TICRR: variants seen among roughly 807,000 people sequenced by gnomAD.
TICRR encodes the protein TOPBP1 interacting checkpoint and replication regulator, also known as treslin.
A neutral mutation model predicts 178.1 loss-of-function variants in TICRR; 132 were observed. The ratio of observed to expected loss-of-function variants is 0.74; its 90% CI spans 0.64 to 0.86. The LOEUF (loss-of-function observed/expected upper bound fraction) is 0.86. Among genes scored for constraint, TICRR ranks in the 40% least tolerant of loss-of-function variants. TICRR has a pLI of 0.00. For missense variants in TICRR, 2,587 were observed against 2,334.3 expected (o/e 1.11, Z -2.23); for synonymous variants, 991 against 900.7 (o/e 1.10, Z -1.79).
In TICRR at chr15:89,615,653, T is replaced by G. The variant is rs552646160; in HGVS notation, c.2870-752T>G. On this transcript the variant is annotated intron_variant, in intron 15 of 21. Coordinates refer to ENST00000268138, the MANE Select transcript of TICRR (RefSeq NM_152259.4). ...TGGCATCACTCCTCTTTACTAATCA[T>G]TTTAAGCTCACTTTAAATCAGTCCT... Among the ~76,000 whole-genome samples, 8 of 152,308 alleles carry G rather than the reference T, an allele frequency of 5.3e-5. No individual in the cohort carries two copies. The South Asian group carries it at 1.7e-3, about 32-fold the overall frequency.
At chr15:89,588,944 G>A (rs541230208) in intron 4 of TICRR, among the ~76,000 whole-genome samples, 75 of 152,240 alleles carry the variant, frequency 4.9e-4, no homozygotes, top group Middle Eastern at 3.4e-3. Context: ...GAAGAGGCAA[G>A]GAGGATACCA....
intron 1 of TICRR, 120 bp from the exon 2 acceptor site, chr15:89,582,566 T>C (rs953975306): frequency 2.2e-6 from 2 of 895,992 alleles, no homozygotes; most frequent in Non-Finnish European, 3.4e-6. Flanking sequence ...GCAAATACAT[T>C]GGTTGTGTAA....
chr15:89,598,508 G>A (rs1024455693), intron 7 of TICRR, among the ~76,000 whole-genome samples: 18 of 151,788 alleles, frequency 1.2e-4, no homozygotes, highest in African/African-American at 3.4e-4. Flanking sequence ...GATTAGAGGC[G>A]CCCGCCACTA....
At chr15:89,602,017 T>TAAAA (rs1463342090) in intron 12 of TICRR, 41 bp downstream of exon 12, 3 of 1,604,904 alleles carry the variant, frequency 1.9e-6, no homozygotes, top group Non-Finnish European at 2.6e-6. Context: ...TGCACTGTTA[T>TAAAA]AGTTCTGATA....
intron 15 of TICRR, among the ~76,000 whole-genome samples, chr15:89,613,806 A>G (rs527493869): frequency 9.0e-6 from 1 of 111,054 alleles, no homozygotes; most frequent in Admixed American, 1.1e-4. Context: ...CATATTTTAG[A>G]TCTTTAGGTA....
intron 20 of TICRR, 23 bp from the exon 21 acceptor site, chr15:89,625,913 C>G: frequency 6.5e-7 from 1 of 1,549,574 alleles, no homozygotes; most frequent in Non-Finnish European, 8.7e-7. Context: ...GGACGCTGCT[C>G]TTACTATGTG....
chr15:89,577,959 C>T (rs1254057254), intron 1 of TICRR, among the ~76,000 whole-genome samples: 1 of 151,854 alleles, frequency 6.6e-6, no homozygotes, highest in African/African-American at 2.4e-5. Flanking sequence ...AGGAGGAACT[C>T]AAAGGTAGGT....
intron 1 of TICRR, among the ~76,000 whole-genome samples, chr15:89,578,578 G>A (rs1259595456): frequency 1.3e-5 from 2 of 151,924 alleles, no homozygotes; most frequent in East Asian, 3.9e-4. Context: ...GTTAAATACT[G>A]GCTAGAAATA....
chr15:89,613,797 A>G (rs1476893727), intron 15 of TICRR, among the ~76,000 whole-genome samples: 2 of 116,138 alleles, frequency 1.7e-5, no homozygotes, highest in African/African-American at 7.1e-5. Flanking sequence ...CATTGGACTC[A>G]TATTTTAGAT....
Position 89,585,737 on chromosome 15 carries a change from G to T in TICRR, c.1206G>T (p.Arg402=), listed in dbSNP as rs1281560974. 3.1e-6 allele frequency: 5 copies of T among 1,613,906 alleles called. No individual in the cohort carries two copies. The highest frequency in any genetic ancestry group is 4.2e-6 in the Non-Finnish European group (5 of 1,179,980). The change falls in exon 4 of 22, where the codon CGG becomes CGT. Residue 402 remains arginine (R), a synonymous_variant. Coordinates refer to ENST00000268138, the MANE Select transcript of TICRR (RefSeq NM_152259.4). ...LVADVDPGEG[R]PPITGVISPL... is the part of the protein sequence containing the mutation. ...CTGATGTGGACCCTGGTGAAGGCCGGCCCCCCATCACTGGAGTTATTTCCC... is the reference window on the plus strand; with the variant it reads ...CTGATGTGGACCCTGGTGAAGGCCGTCCCCCCATCACTGGAGTTATTTCCC...
chr15:89,592,616 C>A (rs188314428), intron 5 of TICRR, among the ~76,000 whole-genome samples: 1 of 152,122 alleles, frequency 6.6e-6, no homozygotes, highest in African/African-American at 2.4e-5. Flanking sequence ...AAAGTAACCT[C>A]CACCCTACAA....
At chr15:89,602,617 T>C (rs1203762303) in intron 12 of TICRR, among the ~76,000 whole-genome samples, 179 bp from the exon 13 acceptor site, 1 of 152,122 alleles carries the variant, frequency 6.6e-6, no homozygotes, top group Non-Finnish European at 1.5e-5. Context: ...TCATAACTGG[T>C]TGAATTTGTT....
rs115872303 is a variant in TICRR at position 89,594,354 on chromosome 15, T to C, written c.1542-61T>C. On this transcript the variant is annotated intron_variant, in intron 5 of 21. Transcript: ENST00000268138. ...GAGGATAGTGGGTATTTTGGTGTTA[T>C]TTCTAAAGCATTTTGCAAAATTAGA... The C allele has an allele frequency of 2.5e-4, 365 of 1,457,048 alleles. 1 individual carries two copies. The African/African-American group carries it at 4.5e-3, about 18-fold the overall frequency. The allele number at this position is 1,457,048 out of a possible 1,614,324, so 90.3% of individuals were successfully genotyped here.
chr15:89,601,706 C>G (rs1567045731), intron 11 of TICRR, 31 bp from the exon 12 acceptor site: 1 of 1,613,698 alleles, frequency 6.2e-7, no homozygotes, highest in Admixed American at 1.7e-5. Flanking sequence ...AAGATGGTAA[C>G]TGTTCCGTAT....
chr15:89,594,833 T>C (rs554923792), intron 6 of TICRR, among the ~76,000 whole-genome samples: 1 of 152,356 alleles, frequency 6.6e-6, no homozygotes, highest in Admixed American at 6.5e-5. Flanking sequence ...TTTTGCTACC[T>C]TGCCTTTTTA....
chr15:89,604,233 C>T (rs1013597550), intron 13 of TICRR, among the ~76,000 whole-genome samples: 2 of 152,166 alleles, frequency 1.3e-5, no homozygotes, highest in Admixed American at 1.3e-4. Context: ...ATATTTGTAG[C>T]AGTCCTTTGG....
intron 4 of TICRR, among the ~76,000 whole-genome samples, chr15:89,588,503 C>A (rs530189007): frequency 2.8e-4 from 42 of 152,168 alleles, no homozygotes; most frequent in Non-Finnish European, 5.4e-4. Flanking sequence ...GAAGTGAGGA[C>A]AACGGAAGGA....
Position 89,627,102 on chromosome 15 carries a change from A to G in TICRR, c.*16A>G, listed in dbSNP as rs1296323516. On this transcript the variant is annotated 3_prime_UTR_variant, in exon 22 of 22. Transcript: ENST00000268138. Reference sequence around the variant, plus strand: ...GGACTTATAGCCACAAACATTACTGAGCCCAAAAGATCAAGGAGTCAGCCA... The same window carrying G: ...GGACTTATAGCCACAAACATTACTGGGCCCAAAAGATCAAGGAGTCAGCCA... 3.1e-6 allele frequency: 5 copies of G among 1,613,528 alleles called. No homozygotes were observed. Among genetic ancestry groups the G allele is most frequent in the Non-Finnish European group, 1.7e-6 (2 of 1,180,016 alleles).
At position 89,624,876 on chromosome 15, in the gene TICRR, C is replaced by CTGTGA; in HGVS notation, c.4566_4567insTGTGA (p.Arg1523CysfsTer20). The CTGTGA allele has an allele frequency of 6.2e-7, 1 of 1,614,004 alleles. No homozygotes were observed. Among genetic ancestry groups the CTGTGA allele is most frequent in the Non-Finnish European group, 8.5e-7 (1 of 1,179,890 alleles). On this transcript the variant is annotated frameshift_variant, in exon 20 of 22. Coordinates refer to ENST00000268138, the MANE Select transcript of TICRR (RefSeq NM_152259.4). LOFTEE classifies it high-confidence loss of function. ...GGCCTGGCTCTCCTCTGATGCCTTC[C>CTGTGA]CGTGACGTGCACTGTACCACAGATG...
Sources: allele counts gnomAD v4.1 joint callset (sites outside exome capture counted in the v4.1 genomes callset), GRCh38; gene constraint gnomAD v4.1.1; transcripts MANE v1.5; gene names NCBI Gene and HGNC (gene_info 2026-07-23, HGNC 2026-07-21).